COG1: variants seen among roughly 807,000 people sequenced by gnomAD.
COG1 encodes conserved oligomeric Golgi complex subunit 1.
In COG1, 61 loss-of-function variants were observed where a neutral mutation model predicts 102.2. The observed-to-expected ratio is 0.60, with a 90% CI of 0.49 to 0.74. The LOEUF is 0.74. Ranked by LOEUF, COG1 falls within the 30% of genes least tolerant of loss-of-function variation. The pLI, the probability that COG1 is intolerant of heterozygous loss-of-function variation, is 0.00. For missense variants in COG1, 1,164 were observed against 1,232.1 expected, an observed-to-expected ratio of 0.94 and a Z score of 0.83; for synonymous variants, 454 against 493.6, an observed-to-expected ratio of 0.92 and a Z score of 1.06.
intron 11 of COG1, 127 bp downstream of exon 11, chr17:73,206,389 G>T (rs572038867): frequency 6.2e-6 from 5 of 802,788 alleles, no homozygotes; most frequent in Non-Finnish European, 1.1e-5. Context: ...ACAAATAGCC[G>T]AGTGTAGTTA....
intron 10 of COG1, 60 bp from the exon 11 acceptor site, chr17:73,206,094 C>T: frequency 7.6e-7 from 1 of 1,317,666 alleles, no homozygotes; most frequent in African/African-American, 1.4e-5. Flanking sequence ...AGTAGGATAT[C>T]ATAAGATTGT....
chr17:73,205,713 G>T lies in COG1; in HGVS notation c.2510+33G>T, dbSNP rs771526205. 42 of 1,612,426 alleles carry T rather than the reference G, an allele frequency of 2.6e-5. 2 individuals carry two copies. The South Asian group carries it at 4.6e-4, about 18-fold the overall frequency. On this transcript the variant is annotated intron_variant, in intron 10 of 13. Coordinates refer to ENST00000299886, the MANE Select transcript of COG1 (RefSeq NM_018714.3). ...ATCCTCTAGGGAGCTATGTCAAGGCGGTCTCTTCCAAAAGCAAATAGTCCC... is the reference window on the plus strand; with the variant it reads ...ATCCTCTAGGGAGCTATGTCAAGGCTGTCTCTTCCAAAAGCAAATAGTCCC...
intron 9 of COG1, among the ~76,000 whole-genome samples, chr17:73,204,863 A>AT (rs1396506928): frequency 6.6e-6 from 1 of 151,700 alleles, no homozygotes; most frequent in Non-Finnish European, 1.5e-5. Flanking sequence ...GGCCAGTAAC[A>AT]TTTTTTAGAA....
chr17:73,203,174 G>A (rs567699078), intron 8 of COG1, 28 bp downstream of exon 8: 7 of 1,613,268 alleles, frequency 4.3e-6, no homozygotes, highest in Middle Eastern at 1.7e-4. Context: ...GCTGAAAAAG[G>A]GAATAAACTG....
At position 73,201,499 on chromosome 17, in the gene COG1, G is replaced by A. The variant is rs1456129775; in HGVS notation, c.1672G>A (p.Asp558Asn). The A allele has an allele frequency of 6.2e-7, 1 of 1,614,248 alleles. No individual in the cohort carries two copies. The highest frequency in any genetic ancestry group is 2.2e-5 in the East Asian group (1 of 44,892). The change falls in exon 7 of 14, where the codon GAC (aspartate) becomes AAC (asparagine). Residue 558 changes from aspartate (D) to asparagine (N), a missense_variant. Asp to Asn is a conservative substitution (Grantham distance 23). Transcript: ENST00000299886. ...SPTQAKSSAFDRYADAGTVQE... is the reference protein window; with the variant it reads ...SPTQAKSSAFNRYADAGTVQE... The stretch of plus-strand genomic sequence containing the variant: ...CACACAGGCCAAGAGTTCTGCCTTT[G>A]ACAGATACGCAGATGCGGGGACCGT...
At chr17:73,202,100 G>A (rs181263263) in intron 7 of COG1, among the ~76,000 whole-genome samples, 200 bp downstream of exon 7, 312 of 152,280 alleles carry the variant, frequency 2.0e-3, no homozygotes, top group Non-Finnish European at 2.9e-3. Context: ...CACTTTGGGA[G>A]GCCAAGATGG....
intron 11 of COG1, 50 bp from the exon 12 acceptor site, chr17:73,206,656 GCC>G: frequency 1.9e-6 from 1 of 532,878 alleles, no homozygotes. Context: ...TTTTTTTTTT[GCC>G]TTTCTTTTAC....
At position 73,201,515 on chromosome 17, in the gene COG1, C is replaced by T. The variant is rs375617141; in HGVS notation, c.1688C>T (p.Ala563Val). ...KSSAFDRYADAGTVQEMLRTQ... is the reference protein window; with the variant it reads ...KSSAFDRYADVGTVQEMLRTQ... ...TCTGCCTTTGACAGATACGCAGATG[C>T]GGGGACCGTGCAGGAGATGCTGCGG... Residue 563 changes from alanine to valine, a missense_variant, in exon 7 of 14, where the codon GCG becomes GTG. By Grantham distance (64) the Ala-to-Val change is moderately conservative. Transcript: ENST00000299886. 47 of 1,614,112 alleles carry T rather than the reference C, an allele frequency of 2.9e-5. No individual in the cohort carries two copies. The highest frequency in any genetic ancestry group is 1.5e-4 in the African/African-American group (11 of 74,936).
chr17:73,196,392 C>T, intron 1 of COG1, 115 bp from the exon 2 acceptor site: 1 of 1,499,474 alleles, frequency 6.7e-7, no homozygotes, highest in African/African-American at 1.4e-5. Flanking sequence ...GTACTGAACC[C>T]AGCTTAATAG....
intron 9 of COG1, among the ~76,000 whole-genome samples, chr17:73,204,529 G>T (rs1019040006): frequency 6.7e-6 from 1 of 150,038 alleles, no homozygotes; most frequent in Non-Finnish European, 1.5e-5. Flanking sequence ...TCTGCCCTTG[G>T]TGTATAATCC....
Position 73,200,767 on chromosome 17 carries a change from C to T in COG1, c.1272C>T (p.Asp424=). Residue 424 remains aspartate (D), a synonymous_variant, in exon 6 of 14, where the codon GAC becomes GAT. Transcript: ENST00000299886. ...WEDMMQQLFL[D]RLQTLTKEGF... ...ATATGATGCAGCAACTGTTCCTTGA[C>T]CGATTACAGGTGAGCTGGACAGTCA... The T allele has an allele frequency of 6.2e-7, 1 of 1,613,828 alleles. No individual in the cohort carries two copies. Among genetic ancestry groups the T allele is most frequent in the Non-Finnish European group, 8.5e-7 (1 of 1,179,788 alleles).
At chr17:73,194,693 AC>A (rs2061318792) in intron 1 of COG1, among the ~76,000 whole-genome samples, 1 of 151,942 alleles carries the variant, frequency 6.6e-6, no homozygotes, top group Admixed American at 6.5e-5. Flanking sequence ...CCAACCCCTG[AC>A]CTCATGTGAT....
At position 73,201,552 on chromosome 17, in the gene COG1, G is replaced by C. The variant is rs780725921; in HGVS notation, c.1725G>C (p.Val575=). The C allele has an allele frequency of 6.2e-7, 1 of 1,614,226 alleles. No individual in the cohort carries two copies. ...AGGAGATGCTGCGGACTCAGTCCGT[G>C]GCATGCATCAAGCACATCGTGGACT... The part of the protein sequence containing the change: ...TVQEMLRTQS[V]ACIKHIVDCI... The change falls in exon 7 of 14, where the codon GTG becomes GTC. Residue 575 remains valine (V), a synonymous_variant. Transcript: ENST00000299886.
chr17:73,203,896 A>G (rs2061357450), intron 9 of COG1, 103 bp downstream of exon 9: 13 of 1,324,692 alleles, frequency 9.8e-6, no homozygotes, highest in Non-Finnish European at 1.4e-5. Flanking sequence ...TCAAACTGTT[A>G]AGGATCACCC....
At chr17:73,204,750 T>C (rs182015480) in intron 9 of COG1, among the ~76,000 whole-genome samples, 1 of 152,040 alleles carries the variant, frequency 6.6e-6, no homozygotes, top group East Asian at 1.9e-4. Context: ...TAGAGACAGG[T>C]TTTGCGATTT....
chr17:73,205,649 G>C lies in COG1; in HGVS notation c.2479G>C (p.Val827Leu), dbSNP rs1292084802. 1 of 1,613,834 alleles carries C rather than the reference G, an allele frequency of 6.2e-7. No individual in the cohort carries two copies. The highest frequency in any genetic ancestry group is 8.5e-7 in the Non-Finnish European group (1 of 1,179,976). ...NIVLTAKGDE[V>L]KSGRSKPDSR... ...TGTTCTGACAGCCAAGGGTGACGAG[G>C]TGAAGAGTGGCCGGAGCAAGCCAGA... Residue 827 changes from valine to leucine, a missense_variant, in exon 10 of 14, where the codon GTG (valine) becomes CTG (leucine). By Grantham distance (32) the Val-to-Leu change is conservative. Transcript: ENST00000299886.
chr17:73,193,472 C>G (rs1184357435), intron 1 of COG1, 88 bp downstream of exon 1: 4 of 1,320,600 alleles, frequency 3.0e-6, no homozygotes, highest in Non-Finnish European at 2.9e-6. Context: ...CTCTGTCAGT[C>G]CCAGACCCCG....
In COG1 at chr17:73,193,250, G is replaced by T. The variant is rs937851782; in HGVS notation, c.181G>T (p.Glu61Ter). The T allele has an allele frequency of 5.0e-6, 8 of 1,607,784 alleles. No homozygotes were observed. The highest frequency in any genetic ancestry group is 1.1e-5 in the South Asian group (1 of 89,912). ...GGGCGAACGGTACCGCGACCTGATC[G>T]AGGCGGCCGACACCATCGGCCAGAT... ...MVGERYRDLI[E>*]AADTIGQMRR... Residue 61 changes from glutamate to a stop codon, truncating the protein, a stop_gained, in exon 1 of 14, where the codon GAG (glutamate) becomes TAG (stop). Transcript: ENST00000299886. LOFTEE classifies it high-confidence loss of function.
Position 73,195,211 on chromosome 17 carries a change from C to T in COG1, c.316-1296C>T, listed in dbSNP as rs886926619. ...GTTAACCCTACAAAAATTTGAGTGT[C>T]TTCTTCGTTCACATTACAAAGAAAC... On this transcript the variant is annotated intron_variant, in intron 1 of 13. Coordinates refer to ENST00000299886, the MANE Select transcript of COG1 (RefSeq NM_018714.3). Among the ~76,000 whole-genome samples the T allele has an allele frequency of 2.0e-5, 3 of 152,162 alleles. No individual in the cohort carries two copies. In the East Asian group the frequency reaches 5.8e-4, roughly 29 times the overall value.
Sources: allele counts gnomAD v4.1 joint callset (sites outside exome capture counted in the v4.1 genomes callset), GRCh38; gene constraint gnomAD v4.1.1; transcripts MANE v1.5; gene names NCBI Gene and HGNC (gene_info 2026-07-23, HGNC 2026-07-21).